The following RARB variants were observed in gnomAD, a reference collection of about 807,000 sequenced individuals.
RARB encodes the protein retinoic acid receptor beta, also known as HBV-activated protein.
Under a neutral mutation model 51.9 loss-of-function variants are expected in RARB, and 17 were observed. The ratio of observed to expected loss-of-function variants is 0.33; its 90% CI spans 0.22 to 0.49. The LOEUF is 0.49. Ranked by LOEUF, RARB falls within the 20% of genes least tolerant of loss-of-function variation. RARB has a pLI of 0.99. For synonymous variants in RARB, 215 were observed against 195.4 expected (o/e 1.10, Z -0.84); for missense variants, 369 against 550.8 (o/e 0.67, Z 3.30).
intron 2 of RARB, among the ~76,000 whole-genome samples, chr3:24,867,383 A>T (rs1702869813): frequency 6.6e-6 from 1 of 152,170 alleles, no homozygotes. Context: ...TCACTGCCAC[A>T]ATTTTCTCAC....
At chr3:25,077,926 A>G (rs1002489943) in intron 3 of RARB, among the ~76,000 whole-genome samples, 5 of 152,254 alleles carry the variant, frequency 3.3e-5, no homozygotes, top group Admixed American at 6.5e-5. Flanking sequence ...TAATCAGGAT[A>G]TCTTTGCTAA....
chr3:25,040,513 G>A (rs746602859), intron 2 of RARB, among the ~76,000 whole-genome samples: 2 of 152,096 alleles, frequency 1.3e-5, no homozygotes, highest in Non-Finnish European at 2.9e-5. Context: ...TCGGCAGATC[G>A]CTTGAGGACA....
chr3:25,352,051 G>A (rs1166080192), intron 5 of RARB, among the ~76,000 whole-genome samples: 2 of 152,150 alleles, frequency 1.3e-5, no homozygotes, highest in Non-Finnish European at 2.9e-5. Context: ...CTGCTCCAAG[G>A]CACTGTCCCA....
chr3:25,529,171 A>G (rs545434991), intron 3 of RARB, among the ~76,000 whole-genome samples: 2 of 152,248 alleles, frequency 1.3e-5, no homozygotes, highest in East Asian at 3.9e-4. Context: ...TGAAAGAGGC[A>G]TATACCTAGT....
At chr3:24,873,000 C>A (rs1702975689) in intron 2 of RARB, among the ~76,000 whole-genome samples, 1 of 152,160 alleles carries the variant, frequency 6.6e-6, no homozygotes, top group Admixed American at 6.5e-5. Flanking sequence ...CTTTGTGGAC[C>A]ATACATCCTC....
intron 5 of RARB, among the ~76,000 whole-genome samples, chr3:25,410,768 C>T (rs1255800860): frequency 1.3e-5 from 2 of 152,170 alleles, no homozygotes; most frequent in Non-Finnish European, 2.9e-5. Flanking sequence ...AAATGGGCCA[C>T]AGTCAGAGTA....
chr3:24,928,745 T>A (rs1486675283), intron 2 of RARB, among the ~76,000 whole-genome samples: 1 of 152,028 alleles, frequency 6.6e-6, no homozygotes, highest in Admixed American at 6.6e-5. Flanking sequence ...AGCTCCCAAA[T>A]CCTCATTTAG....
chr3:25,344,708 G>C (rs570828940), intron 5 of RARB, among the ~76,000 whole-genome samples: 1 of 152,168 alleles, frequency 6.6e-6, no homozygotes, highest in Non-Finnish European at 1.5e-5. Flanking sequence ...GGTCTGTAAA[G>C]TATTAACACT....
At chr3:24,936,171 T>C (rs1049761916) in intron 2 of RARB, among the ~76,000 whole-genome samples, 5 of 152,118 alleles carry the variant, frequency 3.3e-5, no homozygotes, top group Non-Finnish European at 7.4e-5. Context: ...CATGTTTGTA[T>C]AGAGTATGGA....
At chr3:25,592,958 T>G (rs2125324569) in intron 5 of RARB, among the ~76,000 whole-genome samples, 1 of 152,328 alleles carries the variant, frequency 6.6e-6, no homozygotes, top group East Asian at 1.9e-4. Context: ...CAGATTCAGT[T>G]ACATGTTAAC....
chr3:24,968,610 T>G (rs9825544), intron 2 of RARB, among the ~76,000 whole-genome samples: 75,138 of 151,876 alleles, frequency 0.49, 19,073 homozygotes, highest in Admixed American at 0.6. Context: ...CTCACATATC[T>G]GGTGGGTGGC....
At chr3:24,906,026 T>C (rs149850903) in intron 2 of RARB, among the ~76,000 whole-genome samples, 21 of 152,066 alleles carry the variant, frequency 1.4e-4, no homozygotes, top group African/African-American at 4.4e-4. Flanking sequence ...AGACCTGGGG[T>C]ACCACAGTGG....
intron 2 of RARB, among the ~76,000 whole-genome samples, chr3:24,895,559 T>C (rs532245477): frequency 6.7e-6 from 1 of 150,190 alleles, no homozygotes; most frequent in East Asian, 2.2e-4. Flanking sequence ...AATTTACGCT[T>C]TTTTTTTTCT....
At chr3:25,283,346 C>T (rs1415456120) in intron 5 of RARB, among the ~76,000 whole-genome samples, 1 of 151,776 alleles carries the variant, frequency 6.6e-6, no homozygotes, top group Non-Finnish European at 1.5e-5. Flanking sequence ...GTGTGGGCCT[C>T]TTCCATGGCA....
chr3:25,337,905 A>T (rs781553738), intron 5 of RARB, among the ~76,000 whole-genome samples: 6 of 152,154 alleles, frequency 3.9e-5, no homozygotes, highest in Non-Finnish European at 8.8e-5. Flanking sequence ...TGGATTAATA[A>T]ATTAATGAAT....
chr3:25,461,452 G>A (rs1377695824), intron 2 of RARB, 111 bp downstream of exon 2: 5 of 1,253,968 alleles, frequency 4.0e-6, no homozygotes, highest in Non-Finnish European at 3.3e-6. Context: ...CCTCCCATAA[G>A]TGTGGTGAAT....
chr3:25,016,920 T>G (rs143549203), intron 2 of RARB, among the ~76,000 whole-genome samples: 1 of 152,270 alleles, frequency 6.6e-6, no homozygotes, highest in East Asian at 1.9e-4. Context: ...ATCTGGGTTC[T>G]GAGGAATGTC....
At chr3:24,864,438 GC>G (rs1452224439) in intron 2 of RARB, among the ~76,000 whole-genome samples, 1 of 152,126 alleles carries the variant, frequency 6.6e-6, no homozygotes, top group Non-Finnish European at 1.5e-5. Flanking sequence ...TGTTGCTGGG[GC>G]AATGTTGTTT....
intron 2 of RARB, among the ~76,000 whole-genome samples, chr3:24,859,047 A>G (rs1196313164): frequency 1.9e-5 from 2 of 104,994 alleles, no homozygotes; most frequent in Non-Finnish European, 3.9e-5. Flanking sequence ...AAAAAAAAAA[A>G]AAAAAAAAAA....
Sources: gnomAD v4.1 joint callset for allele counts (sites outside exome capture counted in the v4.1 genomes callset) on GRCh38, gnomAD v4.1.1 for gene constraint, MANE v1.5 for transcripts, NCBI Gene and HGNC (gene_info 2026-07-23, HGNC 2026-07-21) for gene names.